The following DLGAP1 variants were observed in gnomAD, a reference collection of about 807,000 sequenced individuals.
DLGAP1 encodes DLG associated protein 1.
In DLGAP1, 11 loss-of-function variants were observed where a neutral mutation model predicts 90.8. The observed-to-expected ratio is 0.12, with a 90% CI of 0.08 to 0.20. The LOEUF is 0.20. Among genes scored for constraint, DLGAP1 ranks in the 10% least tolerant of loss-of-function variants. DLGAP1 has a pLI of 1.00. For missense variants in DLGAP1, 1,050 were observed against 1,333.8 expected (o/e 0.79, Z 3.31); for synonymous variants, 558 against 540.7 (o/e 1.03, Z -0.44).
intron 1 of DLGAP1, among the ~76,000 whole-genome samples, chr18:4,315,089 C>G (rs569723475): frequency 6.6e-6 from 1 of 152,030 alleles, no homozygotes; most frequent in Non-Finnish European, 1.5e-5. Flanking sequence ...GAGCATAGAC[C>G]CTGGAGTCAA....
intron 3 of DLGAP1, among the ~76,000 whole-genome samples, chr18:3,955,649 G>A (rs755895204): frequency 7.2e-4 from 110 of 152,082 alleles, no homozygotes; most frequent in Non-Finnish European, 7.1e-4. Flanking sequence ...AGGAGGTAGA[G>A]GTTGTGGTGA....
intron 5 of DLGAP1, among the ~76,000 whole-genome samples, chr18:3,792,509 C>T (rs1359444126): frequency 6.6e-6 from 1 of 152,034 alleles, no homozygotes; most frequent in African/African-American, 2.4e-5. Context: ...TCTGCCTTGG[C>T]GTCATACTGA....
intron 1 of DLGAP1, among the ~76,000 whole-genome samples, chr18:4,304,892 C>T (rs1473920123): frequency 2.0e-5 from 3 of 151,252 alleles, no homozygotes; most frequent in Middle Eastern, 3.4e-3. Flanking sequence ...GATTGCACCA[C>T]TGCACTCCAG....
chr18:4,386,569 CCAGTCGACCTGTCCAAGGT>C (rs1327535035), intron 1 of DLGAP1, among the ~76,000 whole-genome samples: 5 of 152,158 alleles, frequency 3.3e-5, no homozygotes, highest in Non-Finnish European at 7.4e-5. Context: ...AGTTGTATAG[CCAGTCGACCTGTCCAAGGT>C]CAAAGAGCTG....
At chr18:3,514,889 T>G (rs1415002306) in intron 10 of DLGAP1, among the ~76,000 whole-genome samples, 1 of 152,182 alleles carries the variant, frequency 6.6e-6, no homozygotes, top group Non-Finnish European at 1.5e-5. Flanking sequence ...AATGTCTCTT[T>G]TTAAAATAAA....
chr18:3,902,286 C>A (rs2071801491), intron 3 of DLGAP1, among the ~76,000 whole-genome samples: 1 of 152,106 alleles, frequency 6.6e-6, no homozygotes, highest in Non-Finnish European at 1.5e-5. Flanking sequence ...AATTTTATCC[C>A]AAATGGCAAG....
chr18:4,046,006 A>G (rs564821810), intron 2 of DLGAP1, among the ~76,000 whole-genome samples: 6 of 152,114 alleles, frequency 3.9e-5, no homozygotes, highest in African/African-American at 1.4e-4. Context: ...AATAGTAAGG[A>G]CCTCATAAGA....
chr18:3,883,404 G>T (rs1376895700), intron 3 of DLGAP1, among the ~76,000 whole-genome samples: 1 of 152,204 alleles, frequency 6.6e-6, no homozygotes, highest in Admixed American at 6.5e-5. Context: ...TCCATGCTTT[G>T]TGAAGCTCCT....
chr18:3,786,448 G>A (rs549382299), intron 5 of DLGAP1, among the ~76,000 whole-genome samples: 96 of 152,302 alleles, frequency 6.3e-4, no homozygotes, highest in African/African-American at 2.2e-3. Context: ...AAAAATTACA[G>A]AGGCACATGT....
rs529999421 is a variant in DLGAP1 at position 4,309,937 on chromosome 18, G to A, written c.-267+145069C>T. Among the ~76,000 whole-genome samples, 3 of 152,272 alleles carry A rather than the reference G, an allele frequency of 2.0e-5. No homozygotes were observed. In the East Asian group the frequency reaches 5.8e-4, roughly 29 times the overall value. On this transcript the variant is annotated intron_variant, in intron 1 of 12. Coordinates refer to ENST00000315677, the MANE Select transcript of DLGAP1 (RefSeq NM_004746.4). The stretch of plus-strand genomic sequence containing the variant: ...CCTCTAGAGAAGGGCCTGAGTATCC[G>A]CTCTGCTTCAGTGTGAGTGGCTTCT...
intron 9 of DLGAP1, among the ~76,000 whole-genome samples, chr18:3,557,785 G>A (rs2053842202): frequency 6.6e-6 from 1 of 152,158 alleles, no homozygotes; most frequent in Admixed American, 6.5e-5. Context: ...AAATCAGCCT[G>A]GCGTGGTGGC....
rs78655891 is a variant in DLGAP1 at position 4,246,643 on chromosome 18, C to G, written c.-266-95356G>C. Among the ~76,000 whole-genome samples, 467 of 152,288 alleles carry G rather than the reference C, an allele frequency of 3.1e-3. 2 individuals are homozygous for G. Among genetic ancestry groups the G allele is most frequent in the African/African-American group, 0.011 (444 of 41,574 alleles). ...CTCCCCACACACCCACCCTCTATCC[C>G]CAGCATCTCTTTCTTGTTTATCAGG... On this transcript the variant is annotated intron_variant, in intron 1 of 12. Coordinates refer to ENST00000315677, the MANE Select transcript of DLGAP1 (RefSeq NM_004746.4).
chr18:3,782,540 A>C (rs1198390019), intron 5 of DLGAP1, among the ~76,000 whole-genome samples: 3 of 152,222 alleles, frequency 2.0e-5, no homozygotes. Context: ...GAAGAACTCA[A>C]GGGAGACGCC....
intron 2 of DLGAP1, among the ~76,000 whole-genome samples, chr18:4,087,935 A>C (rs886985233): frequency 2.0e-5 from 3 of 151,806 alleles, no homozygotes; most frequent in Non-Finnish European, 2.9e-5. Flanking sequence ...CTATGTTTAG[A>C]CTAAAATCTA....
chr18:4,158,514 A>G (rs1242174441), intron 1 of DLGAP1, among the ~76,000 whole-genome samples: 2 of 152,178 alleles, frequency 1.3e-5, no homozygotes, highest in Non-Finnish European at 2.9e-5. Context: ...ATTAACTTAC[A>G]GCTTAAGTAT....
chr18:3,962,776 T>G (rs1370669366), intron 3 of DLGAP1, among the ~76,000 whole-genome samples: 1 of 152,234 alleles, frequency 6.6e-6, no homozygotes, highest in Admixed American at 6.5e-5. Context: ...CCAGGAGTTT[T>G]AAAAAGAGTG....
chr18:3,520,348 G>C (rs541901909), intron 10 of DLGAP1, among the ~76,000 whole-genome samples: 3 of 152,080 alleles, frequency 2.0e-5, no homozygotes, highest in African/African-American at 7.2e-5. Flanking sequence ...TTCTAAGTGG[G>C]GCAACTCCTC....
chr18:3,976,291 G>A (rs1031047628), intron 3 of DLGAP1, among the ~76,000 whole-genome samples: 9 of 151,524 alleles, frequency 5.9e-5, no homozygotes, highest in Middle Eastern at 3.2e-3. Flanking sequence ...AAGGAGAATC[G>A]CTTGAACCCG....
chr18:4,319,963 C>T (rs2080636100), intron 1 of DLGAP1, among the ~76,000 whole-genome samples: 1 of 152,156 alleles, frequency 6.6e-6, no homozygotes, highest in African/African-American at 2.4e-5. Flanking sequence ...GAGGGAACCC[C>T]ATCCATCACT....
Sources: gnomAD v4.1 joint callset for allele counts (sites outside exome capture counted in the v4.1 genomes callset) on GRCh38, gnomAD v4.1.1 for gene constraint, MANE v1.5 for transcripts, NCBI Gene and HGNC (gene_info 2026-07-23, HGNC 2026-07-21) for gene names.